The following SPRED2 variants were observed in gnomAD, a reference collection of about 807,000 sequenced individuals.
SPRED2 encodes sprouty related EVH1 domain containing 2.
In SPRED2, 47 loss-of-function variants were observed where a neutral mutation model predicts 43.0. That is an observed-to-expected ratio of 1.09 (90% CI 0.87 to 1.40). The LOEUF is 1.40. Among genes scored for constraint, SPRED2 ranks in the 40% most tolerant of loss-of-function variants. The pLI, the probability that SPRED2 is intolerant of heterozygous loss-of-function variation, is 0.00. For synonymous variants in SPRED2, 225 were observed against 225.7 expected (o/e 1.00, Z 0.03); for missense variants, 561 against 586.4 (o/e 0.96, Z 0.45).
chr2:65,339,135 G>C (rs867816715), intron 2 of SPRED2, among the ~76,000 whole-genome samples: 2,154 of 44,952 alleles, frequency 0.048, no homozygotes, highest in East Asian at 0.094. Flanking sequence ...CCAGCCGCCC[G>C]GTCCAGGAGC....
At chr2:65,372,492 C>T (rs1011869837) in intron 1 of SPRED2, among the ~76,000 whole-genome samples, 22 of 152,090 alleles carry the variant, frequency 1.4e-4, no homozygotes, top group African/African-American at 5.3e-4. Flanking sequence ...TGATGGGAGG[C>T]CAGGTGTCTA....
intron 4 of SPRED2, among the ~76,000 whole-genome samples, chr2:65,322,453 C>A (rs1488329028): frequency 6.6e-6 from 1 of 151,468 alleles, no homozygotes; most frequent in African/African-American, 2.4e-5. Flanking sequence ...GCCACCACAC[C>A]CGGCTAATAC....
chr2:65,311,246 G>C lies in SPRED2; in HGVS notation c.*2255C>G, dbSNP rs1673060121. 2 of 985,794 alleles carry C rather than the reference G, an allele frequency of 2.0e-6. No homozygotes were observed. Among genetic ancestry groups the C allele is most frequent in the Non-Finnish European group, 2.4e-6 (2 of 829,960 alleles). The allele number at this position is 985,794 out of a possible 1,614,324, so 61.1% of individuals were successfully genotyped here. Reference sequence around the variant, plus strand: ...AAATACTACACACTGTTCAGCTGCAGTGTGGCAATTAGAGACGTATTTACA... The same window carrying C: ...AAATACTACACACTGTTCAGCTGCACTGTGGCAATTAGAGACGTATTTACA... On this transcript the variant is annotated 3_prime_UTR_variant, in exon 6 of 6. Coordinates refer to ENST00000356388, the MANE Select transcript of SPRED2 (RefSeq NM_181784.3).
At chr2:65,319,202 T>C (rs1347383264) in intron 4 of SPRED2, among the ~76,000 whole-genome samples, 1 of 152,190 alleles carries the variant, frequency 6.6e-6, no homozygotes, top group African/African-American at 2.4e-5. Flanking sequence ...TGGATGTTTC[T>C]CTACTTGGGT....
At chr2:65,338,801 C>T (rs1376892846) in intron 2 of SPRED2, among the ~76,000 whole-genome samples, 4 of 151,694 alleles carry the variant, frequency 2.6e-5, no homozygotes, top group Non-Finnish European at 5.9e-5. Context: ...GCTGCCCAGT[C>T]TGGAAAGTGA....
At chr2:65,370,135 T>G (rs1675089117) in intron 1 of SPRED2, among the ~76,000 whole-genome samples, 1 of 152,218 alleles carries the variant, frequency 6.6e-6, no homozygotes, top group Non-Finnish European at 1.5e-5. Context: ...ATTTACTTGT[T>G]CCAAATTCAA....
chr2:65,425,811 T>G (rs1431265648), intron 1 of SPRED2, among the ~76,000 whole-genome samples: 1 of 152,258 alleles, frequency 6.6e-6, no homozygotes, highest in Admixed American at 6.5e-5. Flanking sequence ...TTATCAAGTT[T>G]ATTGAGATGA....
chr2:65,354,954 G>A (rs1674607291), intron 1 of SPRED2, among the ~76,000 whole-genome samples: 4 of 152,214 alleles, frequency 2.6e-5, no homozygotes, highest in Admixed American at 2.6e-4. Flanking sequence ...ACCTCTTGAG[G>A]TGAGTAATGC....
At chr2:65,384,137 G>A (rs986923477) in intron 1 of SPRED2, among the ~76,000 whole-genome samples, 8 of 151,882 alleles carry the variant, frequency 5.3e-5, no homozygotes, top group Non-Finnish European at 1.2e-4. Flanking sequence ...GGCCGCTCTC[G>A]GCCTCCTTCC....
chr2:65,354,450 T>A (rs1674590938), intron 1 of SPRED2, among the ~76,000 whole-genome samples: 1 of 152,182 alleles, frequency 6.6e-6, no homozygotes. Context: ...AAACGCAATT[T>A]TAAATTTCAC....
At chr2:65,322,016 C>A (rs1041398295) in intron 4 of SPRED2, among the ~76,000 whole-genome samples, 5 of 151,814 alleles carry the variant, frequency 3.3e-5, no homozygotes, top group African/African-American at 1.2e-4. Flanking sequence ...CTCAGGCAAT[C>A]TGCCCACCTT....
chr2:65,308,313 G>A (rs964965798), downstream of SPRED2: 14 of 985,306 alleles, frequency 1.4e-5, no homozygotes, highest in East Asian at 5.7e-4. Context: ...AGAGGCCACC[G>A]ACTTTTTACC....
rs200147258 is a variant in SPRED2, at chr2:65,313,790, C to G, written c.968G>C (p.Arg323Pro). 6 of 1,613,982 alleles carry G rather than the reference C, an allele frequency of 3.7e-6. No homozygotes were observed. Among genetic ancestry groups the G allele is most frequent in the Admixed American group, 1.7e-5 (1 of 60,004 alleles). The change falls in exon 6 of 6, where the codon CGG becomes CCG. Residue 323 changes from arginine to proline, a missense_variant. By Grantham distance (103) the Arg-to-Pro change is moderately radical (BLOSUM62 -2). This residue lies in a region of SPRED2 where 164 missense variants were observed against 164.1 expected (regional missense o/e 1.00). Coordinates refer to ENST00000356388, the MANE Select transcript of SPRED2 (RefSeq NM_181784.3). The part of the protein sequence containing the change: ...RDMFNHEENR[R>P]GHCQDAPDSV... ...GTCGGGCGCGTCCTGGCAGTGGCCCCGGCGGTTCTCCTCGTGGTTGAACAT... is the reference window on the plus strand; with the variant it reads ...GTCGGGCGCGTCCTGGCAGTGGCCCGGGCGGTTCTCCTCGTGGTTGAACAT...
At chr2:65,370,537 A>G (rs11673987) in intron 1 of SPRED2, among the ~76,000 whole-genome samples, 48,816 of 152,082 alleles carry the variant, frequency 0.32, 9,705 homozygotes, top group East Asian at 0.78. Context: ...GTTGACCCCC[A>G]GTGATCAACA....
intron 1 of SPRED2, among the ~76,000 whole-genome samples, chr2:65,421,561 T>C (rs979266246): frequency 3.3e-5 from 5 of 152,194 alleles, no homozygotes; most frequent in African/African-American, 1.2e-4. Flanking sequence ...ACAATACAGG[T>C]CCAGGTGAAC....
At chr2:65,335,675 T>G (rs1162244649) in intron 2 of SPRED2, among the ~76,000 whole-genome samples, 2 of 152,246 alleles carry the variant, frequency 1.3e-5, no homozygotes, top group African/African-American at 2.4e-5. Context: ...CAGTTTCATG[T>G]GTATTAGTCT....
At chr2:65,386,603 C>A (rs114718430) in intron 1 of SPRED2, among the ~76,000 whole-genome samples, 49 of 152,294 alleles carry the variant, frequency 3.2e-4, no homozygotes, top group African/African-American at 1.2e-3. Context: ...GCTCATAATG[C>A]AATCATGAAT....
chr2:65,391,427 A>G (rs1675633865), intron 1 of SPRED2, among the ~76,000 whole-genome samples: 3 of 152,202 alleles, frequency 2.0e-5, no homozygotes, highest in Admixed American at 6.5e-5. Context: ...TTTGCTATGC[A>G]CGTTTTAGGC....
At chr2:65,425,735 G>A (rs529048697) in intron 1 of SPRED2, among the ~76,000 whole-genome samples, 5 of 152,166 alleles carry the variant, frequency 3.3e-5, no homozygotes, top group Non-Finnish European at 7.4e-5. Context: ...CCTAGAAAAT[G>A]CCTTAAAAGC....
Sources: gnomAD v4.1 joint callset for allele counts (sites outside exome capture counted in the v4.1 genomes callset) on GRCh38, gnomAD v4.1.1 for gene constraint, gnomAD v4.1.1 regional missense constraint, MANE v1.5 for transcripts, NCBI Gene and HGNC (gene_info 2026-07-23, HGNC 2026-07-21) for gene names.